CREM: variants seen among roughly 807,000 people sequenced by gnomAD.
CREM encodes cAMP responsive element modulator.
CREM carries 13 observed loss-of-function variants against 37.3 expected under a neutral mutation model. The observed-to-expected ratio is 0.35, with a 90% confidence interval of 0.23 to 0.55. The LOEUF (loss-of-function observed/expected upper bound fraction) is 0.55. Among genes scored for constraint, CREM ranks in the 20% least tolerant of loss-of-function variants. The probability of loss-of-function intolerance (pLI) is 0.88; values close to 1 mark genes in which losing one functional copy is unlikely to be tolerated. For missense variants in CREM, 296 were observed against 362.3 expected (o/e 0.82, Z 1.49); for synonymous variants, 124 against 120.2 (o/e 1.03, Z -0.21).
intron 2 of CREM, 66 bp from the exon 3 acceptor site, chr10:35,148,302 T>C: frequency 6.7e-7 from 1 of 1,492,754 alleles, no homozygotes; most frequent in Non-Finnish European, 9.0e-7. Context: ...TTAGGGATGT[T>C]CAACCTGTAT....
chr10:35,141,176 T>A (rs948208537), intron 2 of CREM, among the ~76,000 whole-genome samples: 5 of 152,208 alleles, frequency 3.3e-5, no homozygotes, highest in African/African-American at 1.2e-4. Flanking sequence ...GAACTGATGA[T>A]AGTGATCTTA....
chr10:35,141,912 G>T (rs996114480), intron 2 of CREM, among the ~76,000 whole-genome samples: 1 of 152,112 alleles, frequency 6.6e-6, no homozygotes, highest in Non-Finnish European at 1.5e-5. Context: ...TCAGAACGCT[G>T]AGACAGTGTT....
At chr10:35,172,631 A>G (rs1424774878) in intron 3 of CREM, among the ~76,000 whole-genome samples, 1 of 151,920 alleles carries the variant, frequency 6.6e-6, no homozygotes, top group Non-Finnish European at 1.5e-5. Context: ...AGTAAAAATT[A>G]CCATTGCATT....
intron 3 of CREM, among the ~76,000 whole-genome samples, chr10:35,151,354 TGTTTTGTTTC>T (rs923397831): frequency 6.6e-5 from 10 of 152,330 alleles, no homozygotes; most frequent in Admixed American, 4.6e-4. Flanking sequence ...TTGTTGTTTT[TGTTTTGTTTC>T]GTTTTGTTTT....
chr10:35,175,822 C>G, intron 3 of CREM: 2 of 1,606,596 alleles, frequency 1.2e-6, no homozygotes, highest in African/African-American at 2.7e-5. Flanking sequence ...AAAGGTCCAG[C>G]TTTAATCCTC....
At chr10:35,198,815 G>A (rs1176189226) in intron 6 of CREM, among the ~76,000 whole-genome samples, 2 of 152,180 alleles carry the variant, frequency 1.3e-5, no homozygotes, top group Non-Finnish European at 2.9e-5. Context: ...GTGAAAGGAG[G>A]CTATTAGCAA....
chr10:35,176,171 A>G (rs1175441451), intron 3 of CREM, among the ~76,000 whole-genome samples: 1 of 152,174 alleles, frequency 6.6e-6, no homozygotes, highest in East Asian at 1.9e-4. Context: ...CCTGCTAGGT[A>G]CGTAGGTTTC....
At chr10:35,151,881 A>G (rs1275321738) in intron 3 of CREM, among the ~76,000 whole-genome samples, 6 of 152,222 alleles carry the variant, frequency 3.9e-5, no homozygotes, top group African/African-American at 1.4e-4. Flanking sequence ...ATTACTCATT[A>G]AAGTTCTTGT....
chr10:35,129,288 TC>T, intron 1 of CREM, among the ~76,000 whole-genome samples: 1 of 152,230 alleles, frequency 6.6e-6, no homozygotes, highest in Non-Finnish European at 1.5e-5. Context: ...TTTTGCATTG[TC>T]CCTGAAAGTT....
chr10:35,175,951 G>C lies in CREM; in HGVS notation c.169-2938G>C, dbSNP rs770991188. The C allele has an allele frequency of 1.5e-5, 23 of 1,551,250 alleles. 1 individual carries two copies. In the Admixed American group the frequency reaches 3.9e-4, roughly 26 times the overall value. On this transcript the variant is annotated intron_variant, in intron 3 of 7. Coordinates refer to ENST00000685392, the MANE Select transcript of CREM (RefSeq NM_183011.2). ...CTATACATGTCCAGGGAGTAATTCAGACACCACAGCCATGGGTTATTCAGT... is the reference window on the plus strand; with the variant it reads ...CTATACATGTCCAGGGAGTAATTCACACACCACAGCCATGGGTTATTCAGT...
intron 6 of CREM, 22 bp downstream of exon 6, chr10:35,188,410 C>T: frequency 1.9e-6 from 3 of 1,578,834 alleles, no homozygotes; most frequent in South Asian, 1.2e-5. Flanking sequence ...TAATCTAATA[C>T]ATTTAGAATA....
chr10:35,187,042 TTATATATAATTAA>T (rs1461346087), intron 5 of CREM, among the ~76,000 whole-genome samples: 7 of 71,872 alleles, frequency 9.7e-5, no homozygotes, highest in Admixed American at 2.5e-4. Context: ...ATAATATATA[TTATATATAATTAA>T]TATATATAAT....
chr10:35,187,198 TATA>T (rs1413285731), intron 5 of CREM, among the ~76,000 whole-genome samples: 1 of 77,364 alleles, frequency 1.3e-5, no homozygotes, highest in East Asian at 3.9e-4. Context: ...TATATTAATA[TATA>T]ATATATATTA....
chr10:35,170,569 A>G (rs2505640), intron 3 of CREM, among the ~76,000 whole-genome samples: 90,701 of 151,842 alleles, frequency 0.6, 27,692 homozygotes, highest in East Asian at 0.68. Context: ...TTATTGCCTC[A>G]ATTTCAGAGC....
chr10:35,163,032 G>A (rs2093369661), intron 3 of CREM, among the ~76,000 whole-genome samples: 1 of 150,102 alleles, frequency 6.7e-6, no homozygotes, highest in Admixed American at 6.7e-5. Flanking sequence ...GTCAAGGTAA[G>A]ACTCCATCTC....
chr10:35,145,668 A>T (rs1482325253), intron 2 of CREM, among the ~76,000 whole-genome samples: 1 of 150,922 alleles, frequency 6.6e-6, no homozygotes, highest in Non-Finnish European at 1.5e-5. Flanking sequence ...AATCCCAGCT[A>T]CGTGGGAGGC....
At chr10:35,148,512 G>A (rs750988776) in intron 3 of CREM, 21 bp downstream of exon 3, 24 of 1,595,438 alleles carry the variant, frequency 1.5e-5, no homozygotes, top group Middle Eastern at 1.7e-4. Flanking sequence ...GGCAGGCACC[G>A]TTGAAAGTCA....
chr10:35,153,066 A>AT (rs2092691156), intron 3 of CREM, among the ~76,000 whole-genome samples: 1 of 146,342 alleles, frequency 6.8e-6, no homozygotes, highest in Non-Finnish European at 1.5e-5. Flanking sequence ...TGTCTCTTTA[A>AT]TAAAAAATAA....
At chr10:35,191,434 T>C (rs2133851620) in intron 6 of CREM, among the ~76,000 whole-genome samples, 2 of 152,292 alleles carry the variant, frequency 1.3e-5, no homozygotes, top group Admixed American at 1.3e-4. Context: ...TTTCTTTTTC[T>C]CTTTTTTTCT....
Sources: gnomAD v4.1 joint callset for allele counts (sites outside exome capture counted in the v4.1 genomes callset) on GRCh38, gnomAD v4.1.1 for gene constraint, MANE v1.5 for transcripts, NCBI Gene and HGNC (gene_info 2026-07-23, HGNC 2026-07-21) for gene names.